The following COX4I2 variants were observed in gnomAD, a reference collection of about 807,000 sequenced individuals.
The protein encoded by COX4I2 is cytochrome c oxidase subunit 4I2, also known as cytochrome c oxidase subunit 4 isoform 2, mitochondrial.
In COX4I2, 15 loss-of-function variants were observed where a neutral mutation model predicts 20.8. The ratio of observed to expected loss-of-function variants is 0.72; its 90% CI spans 0.48 to 1.11. The LOEUF is 1.11. Ranked by LOEUF, COX4I2 falls within the 50% of genes most tolerant of loss-of-function variation. The pLI is 0.00. For synonymous variants in COX4I2, 80 were observed against 78.1 expected (o/e 1.02, Z -0.13); for missense variants, 224 against 223.0 (o/e 1.00, Z -0.03).
In COX4I2 at chr20:31,644,842, G is replaced by A; in HGVS notation, c.454G>A (p.Val152Met). The change falls in exon 5 of 5, where the codon GTG becomes ATG. Residue 152 changes from valine to methionine, a missense_variant. Transcript: ENST00000376075. ...GCTGCAGCGCATGCTGGACATGAAG[G>A]TGAATCCTGTGCAGGGCCTGGCCTC... ...QQLQRMLDMKVNPVQGLASRW... is the reference protein window; with the variant it reads ...QQLQRMLDMKMNPVQGLASRW... The A allele has an allele frequency of 1.2e-6, 2 of 1,614,074 alleles. No homozygotes were observed. The highest frequency in any genetic ancestry group is 1.7e-6 in the Non-Finnish European group (2 of 1,179,996).
chr20:31,639,422 A>C (rs1277362464), intron 2 of COX4I2: 2 of 360,432 alleles, frequency 5.5e-6, no homozygotes, highest in African/African-American at 4.4e-5. Flanking sequence ...CCCTAGTTTC[A>C]ATGCTAGTAA....
chr20:31,638,105 G>A (rs1413141297), intron 1 of COX4I2, 143 bp downstream of exon 1: 2 of 152,148 alleles, frequency 1.3e-5, no homozygotes, highest in African/African-American at 2.4e-5. Context: ...TAGAGTTGAA[G>A]ACTCCTGGGG....
intron 2 of COX4I2, 129 bp downstream of exon 2, chr20:31,639,228 G>T: frequency 6.5e-7 from 1 of 1,531,876 alleles, no homozygotes; most frequent in South Asian, 1.2e-5. Flanking sequence ...ATGTTCCCAT[G>T]ATCCCACTCC....
chr20:31,639,548 T>C (rs1293470748), intron 2 of COX4I2, among the ~76,000 whole-genome samples: 1 of 146,892 alleles, frequency 6.8e-6, no homozygotes, highest in Non-Finnish European at 1.5e-5. Flanking sequence ...CCCAAGCTAT[T>C]ATAAACCTCC....
At chr20:31,643,348 G>T in intron 3 of COX4I2, 56 bp from the exon 4 acceptor site, 1 of 1,610,248 alleles carries the variant, frequency 6.2e-7, no homozygotes, top group East Asian at 2.2e-5. Context: ...GGGGAAGCCG[G>T]GATCACTTAG....
At chr20:31,639,510 A>G (rs1256072929) in intron 2 of COX4I2, among the ~76,000 whole-genome samples, 1 of 151,098 alleles carries the variant, frequency 6.6e-6, no homozygotes, top group Admixed American at 6.6e-5. Flanking sequence ...AATAACAAAG[A>G]TAACATTTAT....
intron 3 of COX4I2, 36 bp downstream of exon 3, chr20:31,640,133 G>T (rs1161686271): frequency 1.3e-6 from 2 of 1,572,134 alleles, no homozygotes; most frequent in Non-Finnish European, 1.7e-6. Context: ...GAGAGAGTGG[G>T]TTGGGGGCTG....
chr20:31,638,545 T>C (rs2060449195), intron 1 of COX4I2, among the ~76,000 whole-genome samples: 1 of 150,438 alleles, frequency 6.6e-6, no homozygotes, highest in East Asian at 2.0e-4. Flanking sequence ...GGGGAAGGGG[T>C]GGGGGCCAGA....
intron 3 of COX4I2, among the ~76,000 whole-genome samples, chr20:31,642,902 A>G (rs1161380535): frequency 6.6e-6 from 1 of 152,158 alleles, no homozygotes; most frequent in African/African-American, 2.4e-5. Context: ...TTCTGTTAGA[A>G]TGAAATCCAA....
In COX4I2 at chr20:31,640,083, C is replaced by A; in HGVS notation, c.233C>A (p.Ala78Asp). The change falls in exon 3 of 5, where the codon GCC becomes GAC. Residue 78 changes from alanine (A) to aspartate (D), a missense_variant. By Grantham distance (126) the Ala-to-Asp change is moderately radical (BLOSUM62 -2). Transcript: ENST00000376075. Reference protein sequence around the residue: ...EKGSWTQLTHAEKVALYRLQF... With the variant: ...EKGSWTQLTHDEKVALYRLQF... ...GGAAGCTGGACCCAGCTGACCCACG[C>A]CGAAAAGGTGGCCTGTAAGTGTCAG... 6.2e-7 allele frequency: 1 copy of A among 1,610,978 alleles called. No homozygotes were observed. The highest frequency in any genetic ancestry group is 2.2e-5 in the East Asian group (1 of 44,860).
At chr20:31,644,740 C>G in intron 4 of COX4I2, 28 bp from the exon 5 acceptor site, 1 of 1,613,594 alleles carries the variant, frequency 6.2e-7, no homozygotes, top group Non-Finnish European at 8.5e-7. Flanking sequence ...CTGGCAGGAT[C>G]CTGATCCACC....
chr20:31,644,766 A>G lies in COX4I2; in HGVS notation c.380-2A>G, dbSNP rs201101785. 85 of 1,614,024 alleles carry G rather than the reference A, an allele frequency of 5.3e-5. No individual in the cohort carries two copies. The highest frequency in any genetic ancestry group is 4.6e-5 in the Non-Finnish European group (54 of 1,179,942). ...CTGATCCACCCCATGTACTCCCTGC[A>G]GTATTTCCTCCAAAGCCGATCACCT... is the stretch of plus-strand genomic sequence containing the variant. On this transcript the variant is annotated splice_acceptor_variant, in intron 4 of 4. Transcript: ENST00000376075. LOFTEE classifies it high-confidence loss of function.
At chr20:31,640,204 G>A (rs910959889) in intron 3 of COX4I2, 107 bp downstream of exon 3, 1 of 1,225,188 alleles carries the variant, frequency 8.2e-7, no homozygotes, top group Non-Finnish European at 1.1e-6. Flanking sequence ...AAGACAGCCA[G>A]AAACCTCCAA....
chr20:31,643,373 A>AGT, intron 3 of COX4I2, 31 bp from the exon 4 acceptor site: 1 of 1,613,504 alleles, frequency 6.2e-7, no homozygotes, highest in Non-Finnish European at 8.5e-7. Flanking sequence ...GACGCACCTG[A>AGT]GGCCCCTTCC....
At chr20:31,638,762 C>T (rs2060450421) in intron 1 of COX4I2, among the ~76,000 whole-genome samples, 1 of 152,126 alleles carries the variant, frequency 6.6e-6, no homozygotes, top group South Asian at 2.1e-4. Flanking sequence ...TGGCCCAAGA[C>T]TTAGGCCTCC....
At position 31,643,428 on chromosome 20, in the gene COX4I2, C is replaced by A; in HGVS notation, c.272C>A (p.Thr91Asn). 1 of 1,614,170 alleles carries A rather than the reference C, an allele frequency of 6.2e-7. No homozygotes were observed. The highest frequency in any genetic ancestry group is 8.5e-7 in the Non-Finnish European group (1 of 1,180,040). The change falls in exon 4 of 5, where the codon ACC (threonine) becomes AAC (asparagine). Residue 91 changes from threonine to asparagine, a missense_variant. Coordinates refer to ENST00000376075, the MANE Select transcript of COX4I2 (RefSeq NM_032609.3). Reference protein sequence around the residue: ...VALYRLQFNETFAEMNRRSNE... With the variant: ...VALYRLQFNENFAEMNRRSNE... ...GTGTACCGGCTCCAGTTCAATGAGA[C>A]CTTTGCGGAGATGAACCGTCGCTCC...
chr20:31,642,957 TGCCTCTCATTTGAGAGAGCCA>T (rs1490638763), intron 3 of COX4I2, among the ~76,000 whole-genome samples: 4 of 152,238 alleles, frequency 2.6e-5, no homozygotes, highest in East Asian at 1.9e-4. Flanking sequence ...GAACCGGCTC[TGCCTCTCATTTGAGAGAGCCA>T]GCCTCTCATT....
intron 2 of COX4I2, 128 bp from the exon 3 acceptor site, chr20:31,639,805 C>T (rs1328344230): frequency 2.0e-6 from 2 of 1,019,560 alleles, no homozygotes; most frequent in African/African-American, 1.6e-5. Flanking sequence ...ATCCACCCGC[C>T]TCAGCCTCCC....
chr20:31,638,269 T>C (rs1380219469), intron 1 of COX4I2, among the ~76,000 whole-genome samples: 1 of 151,826 alleles, frequency 6.6e-6, no homozygotes, highest in African/African-American at 2.4e-5. Context: ...TCACCTGTAG[T>C]GTGCCCCCTC....
Sources: gnomAD v4.1 joint callset for allele counts (sites outside exome capture counted in the v4.1 genomes callset) on GRCh38, gnomAD v4.1.1 for gene constraint, MANE v1.5 for transcripts, NCBI Gene and HGNC (gene_info 2026-07-23, HGNC 2026-07-21) for gene names.